Variants in SH3GL1 observed in about 807,000 individuals in gnomAD.
SH3GL1 encodes SH3 domain containing GRB2 like 1, endophilin A2.
Under a neutral mutation model 48.8 loss-of-function variants are expected in SH3GL1, and 21 were observed. That is an observed-to-expected ratio of 0.43 (90% CI 0.30 to 0.62). The LOEUF (loss-of-function observed/expected upper bound fraction) is 0.62, where lower values mean the gene tolerates loss of function less well. Ranked by LOEUF, SH3GL1 falls within the 20% of genes least tolerant of loss-of-function variation. The pLI is 0.11. For missense variants in SH3GL1, 454 were observed against 503.0 expected (o/e 0.90, Z 0.93); for synonymous variants, 282 against 217.5 (o/e 1.30, Z -2.61).
At chr19:4,380,472 G>A (rs377597368) in intron 1 of SH3GL1, among the ~76,000 whole-genome samples, 16 of 152,300 alleles carry the variant, frequency 1.1e-4, no homozygotes, top group Middle Eastern at 3.4e-3. Context: ...GAGCACGCAG[G>A]AGAGAGGGCA....
At position 4,384,535 on chromosome 19, in the gene SH3GL1, T is replaced by C. The variant is rs1973199615; in HGVS notation, c.45+15789A>G. On this transcript the variant is annotated intron_variant, in intron 1 of 9. Transcript: ENST00000269886. ...TCTCGCTATATTGCCTAGGCTGGAG[T>C]GCAGTGGCTATTCATGGGCATAGTC... Among the ~76,000 whole-genome samples, 2 of 152,140 alleles carry C rather than the reference T, an allele frequency of 1.3e-5. 1 individual carries two copies. Among genetic ancestry groups the C allele is most frequent in the South Asian group, 4.1e-4 (2 of 4,822 alleles).
rs1972806393 is a variant in SH3GL1 at position 4,367,403 on chromosome 19, TTGAGTATGTGGG to T, written c.46-421_46-410del. Among the ~76,000 whole-genome samples, 1 of 151,930 alleles carries T rather than the reference TTGAGTATGTGGG, an allele frequency of 6.6e-6. No individual in the cohort carries two copies. The highest frequency in any genetic ancestry group is 6.5e-5 in the Admixed American group (1 of 15,286). On this transcript the variant is annotated intron_variant, in intron 1 of 9. Transcript: ENST00000269886. This position sits in a 1 kb window ranked among gnomAD's most constrained non-coding sequence, Gnocchi z 4.2. ...GCAATGTGGGGATCTGCCCCCATCC[TTGAGTATGTGGG>T]GTCTACTTAAAAAAAAAAATCCTGC...
intron 7 of SH3GL1, among the ~76,000 whole-genome samples, chr19:4,363,008 C>CT (rs1491411091): frequency 1.3e-5 from 2 of 152,168 alleles, no homozygotes; most frequent in African/African-American, 4.8e-5. Context: ...GTCGCATCCC[C>CT]TGCCTCCTCC....
chr19:4,374,696 G>A (rs1334249474), intron 1 of SH3GL1, among the ~76,000 whole-genome samples: 1 of 152,180 alleles, frequency 6.6e-6, no homozygotes, highest in Non-Finnish European at 1.5e-5. Flanking sequence ...CTGTGGCCTT[G>A]CAGCCCGGCC....
At position 4,363,428 on chromosome 19, in the gene SH3GL1, C is replaced by A; in HGVS notation, c.670G>T (p.Asp224Tyr). Reference sequence around the variant, plus strand: ...ATCTGCACGGCCTGCCGGTGGTAGTCCAGCTGTGCATCCACCAGGGCCGAG... The same window carrying A: ...ATCTGCACGGCCTGCCGGTGGTAGTACAGCTGTGCATCCACCAGGGCCGAG... ...QLSALVDAQL[D>Y]YHRQAVQILD... The change falls in exon 7 of 10, where the codon GAC (aspartate) becomes TAC (tyrosine). Residue 224 changes from aspartate (D) to tyrosine (Y), a missense_variant. Transcript: ENST00000269886. The A allele has an allele frequency of 6.2e-7, 1 of 1,612,778 alleles. No homozygotes were observed. The highest frequency in any genetic ancestry group is 1.1e-5 in the South Asian group (1 of 90,918).
chr19:4,374,847 G>A (rs143104435), intron 1 of SH3GL1, among the ~76,000 whole-genome samples: 245 of 152,146 alleles, frequency 1.6e-3, no homozygotes, highest in Non-Finnish European at 3.0e-3. Flanking sequence ...GGGAGGCTGC[G>A]GGCTGCGCCT....
intron 1 of SH3GL1, among the ~76,000 whole-genome samples, chr19:4,397,618 T>G (rs750817051): frequency 6.6e-6 from 1 of 152,254 alleles, no homozygotes. Context: ...GGAGCAGTAC[T>G]CTATGGTGCT....
intron 1 of SH3GL1, among the ~76,000 whole-genome samples, chr19:4,385,192 G>A (rs189821730): frequency 3.6e-3 from 548 of 152,264 alleles, no homozygotes; most frequent in Middle Eastern, 6.8e-3. Context: ...ACAACCCTGC[G>A]TGTTTTGGCG....
intron 1 of SH3GL1, among the ~76,000 whole-genome samples, chr19:4,384,769 CGT>C (rs959178976): frequency 1.3e-5 from 2 of 152,160 alleles, no homozygotes; most frequent in Non-Finnish European, 2.9e-5. Flanking sequence ...AGTGGAGCCT[CGT>C]GTGTCAGTGT....
At chr19:4,382,939 GAC>G (rs1157996265) in intron 1 of SH3GL1, among the ~76,000 whole-genome samples, 1 of 151,984 alleles carries the variant, frequency 6.6e-6, no homozygotes, top group African/African-American at 2.4e-5. Flanking sequence ...TTCTTTTTGA[GAC>G]AGAGTCTCAC....
chr19:4,391,744 A>G (rs1246660285), intron 1 of SH3GL1, among the ~76,000 whole-genome samples: 1 of 152,164 alleles, frequency 6.6e-6, no homozygotes, highest in Non-Finnish European at 1.5e-5. Flanking sequence ...GGCAGTCTCA[A>G]ACTTCTGTGT....
rs1972599519 is a variant in SH3GL1, at chr19:4,361,213, T to TGGGCC, written c.*382_*386dup. ...GGCTGCGGGACTCGAGGGTAGGCAGTGGGCCGGGCCCCCGTCGGGTCAGGA... is the reference window on the plus strand; with the variant it reads ...GGCTGCGGGACTCGAGGGTAGGCAGTGGGCCGGGCCGGGCCCCCGTCGGGTCAGGA... On this transcript the variant is annotated 3_prime_UTR_variant, in exon 10 of 10. Coordinates refer to ENST00000269886, the MANE Select transcript of SH3GL1 (RefSeq NM_003025.4). The TGGGCC allele has an allele frequency of 9.8e-6, 3 of 306,216 alleles. No homozygotes were observed. In the South Asian group the frequency reaches 1.8e-4, roughly 19 times the overall value. The allele number at this position is 306,216 out of a possible 1,614,324, so 19.0% of individuals were successfully genotyped here. A position where few individuals can be genotyped will look rare whatever the true frequency, so the allele number is the denominator to read the frequency against.
At position 4,363,827 on chromosome 19, in the gene SH3GL1, T is replaced by G. The variant is rs768035055; in HGVS notation, c.517A>C (p.Lys173Gln). ...TCATCGGGGATCTTGCCCTGCCGCT[T>G]CTTCTTGTAGTCAAAGTCCAGGCGG... ...GRRLDFDYKKKRQGKIPDEEL... is the reference protein window; with the variant it reads ...GRRLDFDYKKQRQGKIPDEEL... The change falls in exon 6 of 10, where the codon AAG becomes CAG. Residue 173 changes from lysine (K) to glutamine (Q), a missense_variant. Lys to Gln is a moderately conservative substitution (Grantham distance 53). Coordinates refer to ENST00000269886, the MANE Select transcript of SH3GL1 (RefSeq NM_003025.4). 12 of 1,613,458 alleles carry G rather than the reference T, an allele frequency of 7.4e-6. No homozygotes were observed. The highest frequency in any genetic ancestry group is 2.2e-5 in the South Asian group (2 of 91,046).
chr19:4,366,611 T>C (rs1198140518), intron 2 of SH3GL1, 38 bp from the exon 3 acceptor site: 2 of 1,583,342 alleles, frequency 1.3e-6, no homozygotes, highest in Admixed American at 1.7e-5. Context: ...CCACAGCCAG[T>C]GGGGGCCCAA....
intron 1 of SH3GL1, among the ~76,000 whole-genome samples, chr19:4,398,144 AG>A (rs1832378424): frequency 6.6e-6 from 1 of 151,592 alleles, no homozygotes; most frequent in African/African-American, 2.4e-5. Flanking sequence ...AGCACCTGGC[AG>A]GGTCCTTACT....
At position 4,360,416 on chromosome 19, in the gene SH3GL1, C is replaced by G; in HGVS notation, c.*1184G>C. 4.0e-6 allele frequency: 1 copy of G among 247,824 alleles called. No homozygotes were observed. Among genetic ancestry groups the G allele is most frequent in the Non-Finnish European group, 7.9e-6 (1 of 126,786 alleles). 15.4% of individuals were successfully genotyped at this position (247,824 alleles called of 1,614,324 possible). ...CTTCTGTTTACAAAATTCAGGCGTA[C>G]ATTTCAGTTTGCCCTGGACCGTGCC... On this transcript the variant is annotated 3_prime_UTR_variant, in exon 10 of 10. Coordinates refer to ENST00000269886, the MANE Select transcript of SH3GL1 (RefSeq NM_003025.4).
chr19:4,382,359 G>A (rs1428280424), intron 1 of SH3GL1, among the ~76,000 whole-genome samples: 3 of 144,812 alleles, frequency 2.1e-5, no homozygotes, highest in Admixed American at 7.3e-5. Context: ...CCGGGTTCAC[G>A]CCATTCTCCT....
intron 1 of SH3GL1, among the ~76,000 whole-genome samples, chr19:4,386,464 T>A (rs1973236851): frequency 1.3e-5 from 2 of 151,350 alleles, no homozygotes; most frequent in Non-Finnish European, 2.9e-5. Flanking sequence ...GCTTGGGTGA[T>A]GTTTGGGAAC....
intron 1 of SH3GL1, among the ~76,000 whole-genome samples, chr19:4,397,646 G>C (rs1283791041): frequency 6.6e-6 from 1 of 152,198 alleles, no homozygotes; most frequent in East Asian, 1.9e-4. Flanking sequence ...AGCAGGTGAA[G>C]GTCTGACGCC....
Sources: gnomAD v4.1 joint callset for allele counts (sites outside exome capture counted in the v4.1 genomes callset) on GRCh38, gnomAD v4.1.1 for gene constraint, Gnocchi (gnomAD v3.1) non-coding constraint, MANE v1.5 for transcripts, NCBI Gene and HGNC (gene_info 2026-07-23, HGNC 2026-07-21) for gene names.